The following OTULIN variants were observed in gnomAD, a reference collection of about 807,000 sequenced individuals.
The protein encoded by OTULIN is ubiquitin thioesterase otulin.
OTULIN carries 15 observed loss-of-function variants against 39.6 expected under a neutral mutation model. That is an observed-to-expected ratio of 0.38 (90% CI 0.25 to 0.58). The LOEUF is 0.58. OTULIN is among the 20% of genes least tolerant of loss of function. OTULIN has a pLI of 0.66. For missense variants in OTULIN, 319 were observed against 445.9 expected (o/e 0.72, Z 2.56); for synonymous variants, 156 against 170.3 (o/e 0.92, Z 0.65).
chr5:14,709,444 G>A, the OTULIN span: 1 of 152,150 alleles, frequency 6.6e-6, no homozygotes, highest in African/African-American at 2.4e-5. Flanking sequence ...ATGTCCCCAC[G>A]TGGGCACACC....
chr5:14,716,193 T>C, the OTULIN span, among the ~76,000 whole-genome samples: 7 of 152,182 alleles, frequency 4.6e-5, no homozygotes, highest in Non-Finnish European at 1.0e-4. Context: ...GTTTTTGTAA[T>C]CACTGCACTT....
rs1736633965 is a variant in OTULIN at position 14,695,170 on chromosome 5, T to G, written c.*2122T>G. ...AAGGCCTTGTCAGAATCTGTCAGAC[T>G]CTTGTTTAGGTTTAGTGTGATCATG... On this transcript the variant is annotated 3_prime_UTR_variant, in exon 7 of 7. Transcript: ENST00000284274. 1 of 152,240 alleles carries G rather than the reference T, an allele frequency of 6.6e-6. No individual in the cohort carries two copies. The highest frequency in any genetic ancestry group is 2.4e-5 in the African/African-American group (1 of 41,454). The allele number at this position is 152,240 out of a possible 1,614,324, so 9.4% of individuals were successfully genotyped here.
At position 14,687,601 on chromosome 5, in the gene OTULIN, C is replaced by A. The variant is rs1337414788; in HGVS notation, c.549C>A (p.Asp183Glu). The A allele has an allele frequency of 1.2e-6, 2 of 1,613,816 alleles. No homozygotes were observed. Among genetic ancestry groups the A allele is most frequent in the African/African-American group, 1.3e-5 (1 of 74,886 alleles). Reference sequence around the variant, plus strand: ...TGAAATTTGATGGGAAGAATGAGGACCTGGTTGATAAAATTAAAGAGTCCC... The same window carrying A: ...TGAAATTTGATGGGAAGAATGAGGAACTGGTTGATAAAATTAAAGAGTCCC... The part of the protein sequence containing the change: ...LGLKFDGKNE[D>E]LVDKIKESLT... The change falls in exon 5 of 7, where the codon GAC (aspartate) becomes GAA (glutamate). Residue 183 changes from aspartate (D) to glutamate (E), a missense_variant. This residue lies in a region of OTULIN where 54 missense variants were observed against 50.7 expected (regional missense o/e 1.07). Coordinates refer to ENST00000284274, the MANE Select transcript of OTULIN (RefSeq NM_138348.6).
At position 14,693,737 on chromosome 5, in the gene OTULIN, T is replaced by G. The variant is rs189585611; in HGVS notation, c.*689T>G. On this transcript the variant is annotated 3_prime_UTR_variant, in exon 7 of 7. Transcript: ENST00000284274. ...AGAATTGGGTCCCAAAGTGGGTTAT[T>G]TCAAGGCATTTTTGAAGACTGGAGG... 1.9e-4 allele frequency: 29 copies of G among 152,372 alleles called. No homozygotes were observed. The highest frequency in any genetic ancestry group is 1.2e-4 in the Non-Finnish European group (8 of 68,050). The allele number at this position is 152,372 out of a possible 1,614,324, so 9.4% of individuals were successfully genotyped here.
chr5:14,677,946 C>G (rs994526190), intron 2 of OTULIN, among the ~76,000 whole-genome samples: 41 of 152,186 alleles, frequency 2.7e-4, no homozygotes, highest in African/African-American at 8.4e-4. Context: ...ACCTGTGTGT[C>G]AGTGCAGCTC....
chr5:14,697,075 A>G lies in OTULIN; in HGVS notation c.*4027A>G, dbSNP rs1456582070. The G allele has an allele frequency of 6.6e-6, 1 of 152,008 alleles. No individual in the cohort carries two copies. Among genetic ancestry groups the G allele is most frequent in the Non-Finnish European group, 1.5e-5 (1 of 68,030 alleles). The allele number at this position is 152,008 out of a possible 1,614,324, so 9.4% of individuals were successfully genotyped here. A position where few individuals can be genotyped will look rare whatever the true frequency, so the allele number is the denominator to read the frequency against. ...TGTGTGTGTGTGTGCATGTGTGTAT[A>G]TGCGTGTTGGTCTGCAGTCACAGCA... On this transcript the variant is annotated 3_prime_UTR_variant, in exon 7 of 7. Transcript: ENST00000284274.
Position 14,695,631 on chromosome 5 carries a change from T to C in OTULIN, c.*2583T>C, listed in dbSNP as rs1471414711. On this transcript the variant is annotated 3_prime_UTR_variant, in exon 7 of 7. Coordinates refer to ENST00000284274, the MANE Select transcript of OTULIN (RefSeq NM_138348.6). ...TAAAATAATTTCCCTGTATTATGCTTCATGGGATTAACACTGCTTTTCCAG... is the reference window on the plus strand; with the variant it reads ...TAAAATAATTTCCCTGTATTATGCTCCATGGGATTAACACTGCTTTTCCAG... The C allele has an allele frequency of 6.6e-6, 1 of 152,214 alleles. No individual in the cohort carries two copies. The highest frequency in any genetic ancestry group is 1.5e-5 in the Non-Finnish European group (1 of 68,040). The allele number at this position is 152,214 out of a possible 1,614,324, so 9.4% of individuals were successfully genotyped here.
chr5:14,699,409 A>G lies in OTULIN; in HGVS notation c.*6361A>G, dbSNP rs1736751056. On this transcript the variant is annotated 3_prime_UTR_variant, in exon 7 of 7. Transcript: ENST00000284274. Reference sequence around the variant, plus strand: ...CCCAGTGGGTAGGTACTGGGCATCCATTAGACGGCAGTGCTAAGTCGGTCA... The same window carrying G: ...CCCAGTGGGTAGGTACTGGGCATCCGTTAGACGGCAGTGCTAAGTCGGTCA... 1 of 152,218 alleles carries G rather than the reference A, an allele frequency of 6.6e-6. No individual in the cohort carries two copies. Among genetic ancestry groups the G allele is most frequent in the African/African-American group, 2.4e-5 (1 of 41,448 alleles). 9.4% of individuals were successfully genotyped at this position (152,218 alleles called of 1,614,324 possible).
At chr5:14,707,009 G>T in the OTULIN span, 1 of 152,138 alleles carries the variant, frequency 6.6e-6, no homozygotes, top group Non-Finnish European at 1.5e-5. Context: ...TGCAATTTTG[G>T]TTCCAAAGAA....
chr5:14,683,182 G>C (rs1438432386), intron 4 of OTULIN, among the ~76,000 whole-genome samples: 1 of 152,032 alleles, frequency 6.6e-6, no homozygotes, highest in Non-Finnish European at 1.5e-5. Flanking sequence ...AGGAGGCTGG[G>C]GTGGGAGGAT....
At chr5:14,681,435 A>G (rs1736246900) in intron 3 of OTULIN, 29 bp from the exon 4 acceptor site, 2 of 1,582,296 alleles carry the variant, frequency 1.3e-6, no homozygotes, top group Non-Finnish European at 1.7e-6. Flanking sequence ...AGTAACGACC[A>G]TTTTGAATTC....
chr5:14,701,553 CAGA>C (rs908314746), downstream of OTULIN, among the ~76,000 whole-genome samples: 15 of 152,306 alleles, frequency 9.8e-5, no homozygotes, highest in African/African-American at 3.4e-4. Flanking sequence ...CCCCCTGCCC[CAGA>C]AGGAGTGGGA....
At chr5:14,712,761 C>G in the OTULIN span, 1 of 1,071,016 alleles carries the variant, frequency 9.3e-7, no homozygotes, top group Non-Finnish European at 1.4e-6. Flanking sequence ...GGCAGTGTCA[C>G]CAAGGATCCC....
At chr5:14,689,171 G>A (rs759632976) in intron 5 of OTULIN, among the ~76,000 whole-genome samples, 10 of 152,244 alleles carry the variant, frequency 6.6e-5, no homozygotes, top group Middle Eastern at 3.4e-3. Context: ...ATTCCATCCC[G>A]ACTGACTTTA....
At chr5:14,674,339 C>A (rs1395197256) in intron 2 of OTULIN, among the ~76,000 whole-genome samples, 2 of 152,252 alleles carry the variant, frequency 1.3e-5, no homozygotes, top group South Asian at 4.1e-4. Context: ...TGGCCTCATG[C>A]AGGAGCTGCA....
At chr5:14,686,936 T>C (rs1579973951) in intron 4 of OTULIN, among the ~76,000 whole-genome samples, 1 of 152,266 alleles carries the variant, frequency 6.6e-6, no homozygotes, top group Non-Finnish European at 1.5e-5. Flanking sequence ...TTTATCTTAA[T>C]AGATCGATTA....
At chr5:14,700,522 T>C (rs1213006787), downstream of OTULIN, among the ~76,000 whole-genome samples, 1 of 151,766 alleles carries the variant, frequency 6.6e-6, no homozygotes, top group Non-Finnish European at 1.5e-5. Context: ...GGCACAGTCC[T>C]CCCAGCCCTC....
intron 2 of OTULIN, among the ~76,000 whole-genome samples, chr5:14,678,337 AC>A (rs1159898974): frequency 6.6e-6 from 1 of 152,128 alleles, no homozygotes; most frequent in East Asian, 1.9e-4. Context: ...AGAGAGGGGG[AC>A]TATATGAGGA....
intron 3 of OTULIN, 82 bp from the exon 4 acceptor site, chr5:14,681,382 A>C (rs544028294): frequency 6.7e-7 from 1 of 1,503,756 alleles, no homozygotes; most frequent in Non-Finnish European, 8.9e-7. Context: ...TCCCAGGCCA[A>C]GCTTTTTCCA....
Sources: allele counts gnomAD v4.1 joint callset (sites outside exome capture counted in the v4.1 genomes callset), GRCh38; gene constraint gnomAD v4.1.1; regional missense constraint gnomAD v4.1.1; transcripts MANE v1.5; gene names NCBI Gene and HGNC (gene_info 2026-07-23, HGNC 2026-07-21).